Variants in PDE7B observed in about 807,000 individuals in gnomAD.
PDE7B encodes the protein 3',5'-cyclic-AMP phosphodiesterase 7B.
Under a neutral mutation model 56.2 loss-of-function variants are expected in PDE7B, and 29 were observed. The ratio of observed to expected loss-of-function variants is 0.52; its 90% CI spans 0.38 to 0.70. The LOEUF (loss-of-function observed/expected upper bound fraction) is 0.70, where lower values mean the gene tolerates loss of function less well. Ranked by LOEUF, PDE7B falls within the 30% of genes least tolerant of loss-of-function variation. PDE7B has a pLI of 0.00. For synonymous variants in PDE7B, 197 were observed against 196.9 expected (o/e 1.00, Z 0.00); for missense variants, 490 against 565.0 (o/e 0.87, Z 1.35).
chr6:135,944,370 G>A (rs1422240244), intron 1 of PDE7B, among the ~76,000 whole-genome samples: 1 of 152,062 alleles, frequency 6.6e-6, no homozygotes, highest in African/African-American at 2.4e-5. Flanking sequence ...GATAAACACT[G>A]GCATCAACAG....
intron 2 of PDE7B, among the ~76,000 whole-genome samples, chr6:136,050,320 A>T (rs1776601893): frequency 6.6e-6 from 1 of 152,098 alleles, no homozygotes; most frequent in Non-Finnish European, 1.5e-5. Flanking sequence ...CTTAGATTAG[A>T]AATTGTCTAG....
At chr6:136,167,907 A>T (rs180759668) in intron 8 of PDE7B, among the ~76,000 whole-genome samples, 2 of 152,302 alleles carry the variant, frequency 1.3e-5, no homozygotes, top group East Asian at 3.9e-4. Flanking sequence ...CATCAATGGG[A>T]CTGAGTTTAA....
At chr6:135,874,991 C>T (rs72971654) in intron 1 of PDE7B, among the ~76,000 whole-genome samples, 4,885 of 152,054 alleles carry the variant, frequency 0.032, 109 homozygotes, top group Non-Finnish European at 0.05. Context: ...GCTAAGAAGT[C>T]TATTCCATTT....
chr6:136,099,353 T>A (rs1246279054), intron 2 of PDE7B, among the ~76,000 whole-genome samples: 1 of 152,220 alleles, frequency 6.6e-6, no homozygotes, highest in Non-Finnish European at 1.5e-5. Flanking sequence ...ATCGCCACAC[T>A]GTCCTCCACA....
In PDE7B at chr6:135,853,815, C is replaced by T. The variant is rs143254266; in HGVS notation, c.21+1796C>T. ...CATTAATTTAGGGAAAATAATTACA[C>T]GAGTGCATCATTTAATGCCTTACAC... On this transcript the variant is annotated intron_variant, in intron 1 of 12. Transcript: ENST00000308191. Among the ~76,000 whole-genome samples the T allele has an allele frequency of 3.2e-4, 48 of 152,174 alleles. 1 individual carries two copies. Among genetic ancestry groups the T allele is most frequent in the African/African-American group, 8.9e-4 (37 of 41,522 alleles).
intron 9 of PDE7B, among the ~76,000 whole-genome samples, chr6:136,178,605 T>G (rs796850144): frequency 1.3e-5 from 2 of 152,326 alleles, no homozygotes; most frequent in African/African-American, 4.8e-5. Context: ...ACTATTGTTA[T>G]GCCCTTTTCT....
chr6:135,953,711 A>C (rs1363730143), intron 2 of PDE7B, among the ~76,000 whole-genome samples: 1 of 152,136 alleles, frequency 6.6e-6, no homozygotes, highest in African/African-American at 2.4e-5. Context: ...ATTTGGTTCA[A>C]GTGAATAGAT....
intron 1 of PDE7B, among the ~76,000 whole-genome samples, chr6:135,868,845 A>T (rs1583719244): frequency 2.6e-5 from 4 of 152,228 alleles, no homozygotes; most frequent in Admixed American, 2.6e-4. Context: ...AATATTTTAC[A>T]TTGTCTTGTT....
chr6:136,001,887 A>G (rs1441861985), intron 2 of PDE7B, among the ~76,000 whole-genome samples: 1 of 151,948 alleles, frequency 6.6e-6, no homozygotes, highest in Non-Finnish European at 1.5e-5. Context: ...CAACTCCAAG[A>G]CACATAATTG....
chr6:135,909,770 C>T (rs1337177629), intron 1 of PDE7B, among the ~76,000 whole-genome samples: 1 of 152,104 alleles, frequency 6.6e-6, no homozygotes, highest in Non-Finnish European at 1.5e-5. Context: ...AGTGTCTACG[C>T]AAAAGTGGCC....
intron 1 of PDE7B, among the ~76,000 whole-genome samples, chr6:135,901,208 A>G (rs936958046): frequency 6.6e-6 from 1 of 152,216 alleles, no homozygotes; most frequent in Admixed American, 6.5e-5. Context: ...AAAACTCTAC[A>G]TTCATACTTG....
rs533228455 is a variant in PDE7B, at chr6:135,975,445, G to C, written c.82+27921G>C. On this transcript the variant is annotated intron_variant, in intron 2 of 12. Coordinates refer to ENST00000308191, the MANE Select transcript of PDE7B (RefSeq NM_018945.4). The stretch of plus-strand genomic sequence containing the variant: ...GGATATGAGCTTTGAGGAAAGTGAG[G>C]AGCAGGTCCTTCAAAGAAAATCTTG... Among the ~76,000 whole-genome samples the C allele has an allele frequency of 4.6e-4, 70 of 152,166 alleles. 1 individual carries two copies. In the South Asian group the frequency reaches 0.013, roughly 29 times the overall value.
chr6:136,177,309 T>A (rs1248227461), intron 9 of PDE7B, among the ~76,000 whole-genome samples: 1 of 151,852 alleles, frequency 6.6e-6, no homozygotes, highest in Non-Finnish European at 1.5e-5. Context: ...ATTTATAAAT[T>A]TAAAAATAAA....
chr6:136,017,389 C>T (rs539602454), intron 2 of PDE7B, among the ~76,000 whole-genome samples: 25 of 152,066 alleles, frequency 1.6e-4, no homozygotes, highest in African/African-American at 5.5e-4. Flanking sequence ...ATGTGCACAA[C>T]GTGCAGGTTT....
chr6:135,979,093 T>C (rs575255809), intron 2 of PDE7B, among the ~76,000 whole-genome samples: 13 of 152,132 alleles, frequency 8.5e-5, no homozygotes, highest in South Asian at 6.2e-4. Flanking sequence ...TGAAGCGTTG[T>C]TGAATTTTGT....
At chr6:136,023,728 A>G (rs1417281394) in intron 2 of PDE7B, among the ~76,000 whole-genome samples, 1 of 152,230 alleles carries the variant, frequency 6.6e-6, no homozygotes, top group Non-Finnish European at 1.5e-5. Flanking sequence ...CTCATGGCAA[A>G]AAAATAAATA....
At chr6:135,872,201 T>C (rs1193062177) in intron 1 of PDE7B, among the ~76,000 whole-genome samples, 2 of 152,126 alleles carry the variant, frequency 1.3e-5, no homozygotes, top group African/African-American at 4.8e-5. Flanking sequence ...ATATGGCCAG[T>C]AGCATCCTGG....
intron 2 of PDE7B, among the ~76,000 whole-genome samples, chr6:136,031,687 C>T (rs1434973125): frequency 2.1e-5 from 3 of 144,056 alleles, no homozygotes; most frequent in Admixed American, 1.5e-4. Context: ...TGCAGTGAGC[C>T]GAGATCCCGC....
chr6:135,987,199 A>G (rs1185618847), intron 2 of PDE7B, among the ~76,000 whole-genome samples: 16 of 152,190 alleles, frequency 1.1e-4, no homozygotes, highest in Admixed American at 9.2e-4. Flanking sequence ...ACAATAAAGA[A>G]CAGAATTTGG....
Sources: gnomAD v4.1 joint callset for allele counts (sites outside exome capture counted in the v4.1 genomes callset) on GRCh38, gnomAD v4.1.1 for gene constraint, MANE v1.5 for transcripts, NCBI Gene and HGNC (gene_info 2026-07-23, HGNC 2026-07-21) for gene names.